ARHGAP6: variants seen among roughly 807,000 people sequenced by gnomAD.
ARHGAP6 encodes rho GTPase-activating protein 6.
A neutral mutation model predicts 55.7 loss-of-function variants in ARHGAP6; 16 were observed. That is an observed-to-expected ratio of 0.29 (90% CI 0.19 to 0.44). ARHGAP6 has a LOEUF of 0.44. Ranked by LOEUF, ARHGAP6 falls within the 20% of genes least tolerant of loss-of-function variation. The probability of loss-of-function intolerance (pLI) is 1.00; values close to 1 mark genes in which losing one functional copy is unlikely to be tolerated. For synonymous variants in ARHGAP6, 382 were observed against 360.9 expected, an observed-to-expected ratio of 1.06 and a Z score of -0.66; for missense variants, 698 against 808.9, an observed-to-expected ratio of 0.86 and a Z score of 1.66.
At position 11,159,788 on chromosome X, in the gene ARHGAP6, G is replaced by T. The variant is rs780925779; in HGVS notation, c.1810-3162C>A. Reference sequence around the variant, plus strand: ...GGTATTTAAAACCCTGTGACCAGCTGCAGTGGCCTGGGTATGAAAATGGGG... The same window carrying T: ...GGTATTTAAAACCCTGTGACCAGCTTCAGTGGCCTGGGTATGAAAATGGGG... On this transcript the variant is annotated intron_variant, in intron 9 of 12. Transcript: ENST00000337414. Among the ~76,000 whole-genome samples, 6 of 111,365 alleles carry T rather than the reference G, an allele frequency of 5.4e-5. No individual in the cohort carries two copies. The East Asian group carries it at 1.7e-3, about 32-fold the overall frequency.
At chrX:11,421,478 G>A (rs1345042482) in intron 1 of ARHGAP6, among the ~76,000 whole-genome samples, 3 of 111,558 alleles carry the variant, frequency 2.7e-5, no homozygotes, top group African/African-American at 9.8e-5. Context: ...ACCACTGGTC[G>A]ATTTTACCTA....
intron 1 of ARHGAP6, among the ~76,000 whole-genome samples, chrX:11,345,218 G>A (rs2048764637): frequency 9.0e-6 from 1 of 111,472 alleles, no homozygotes; most frequent in Admixed American, 9.5e-5. Context: ...CTATGCACCA[G>A]TGATGCTCTG....
intron 1 of ARHGAP6, among the ~76,000 whole-genome samples, chrX:11,309,269 C>T (rs1239517606): frequency 9.0e-6 from 1 of 111,665 alleles, no homozygotes; most frequent in Non-Finnish European, 1.9e-5. Context: ...TACACCTCAG[C>T]AATAGCAGCA....
At chrX:11,289,649 T>G (rs1407710398) in intron 1 of ARHGAP6, among the ~76,000 whole-genome samples, 1 of 111,946 alleles carries the variant, frequency 8.9e-6, no homozygotes, top group Non-Finnish European at 1.9e-5. Flanking sequence ...TGTGCCATAA[T>G]CGATTTGAAC....
chrX:11,187,334 C>T (rs1028790675), intron 4 of ARHGAP6, among the ~76,000 whole-genome samples: 6 of 110,914 alleles, frequency 5.4e-5, no homozygotes, highest in Non-Finnish European at 1.1e-4. Context: ...TCGCATTTGC[C>T]GCACCCATAC....
chrX:11,542,897 A>T (rs1316169705), intron 1 of ARHGAP6, among the ~76,000 whole-genome samples: 1 of 111,588 alleles, frequency 9.0e-6, no homozygotes, highest in Non-Finnish European at 1.9e-5. Flanking sequence ...GCTTGACAAA[A>T]TAGGCCAGGA....
At chrX:11,417,522 A>G (rs2049768700) in intron 1 of ARHGAP6, among the ~76,000 whole-genome samples, 1 of 111,059 alleles carries the variant, frequency 9.0e-6, no homozygotes, top group Admixed American at 9.6e-5. Flanking sequence ...GAGAATCTGT[A>G]GTCTAGTTAA....
chrX:11,396,515 T>C (rs2049479460), intron 1 of ARHGAP6, among the ~76,000 whole-genome samples: 1 of 111,889 alleles, frequency 8.9e-6, no homozygotes. Context: ...TTGATCAACA[T>C]ATTTTTTCCA....
chrX:11,484,039 T>A (rs1303533875), intron 1 of ARHGAP6, among the ~76,000 whole-genome samples: 1 of 112,048 alleles, frequency 8.9e-6, no homozygotes, highest in Non-Finnish European at 1.9e-5. Context: ...AAATAACATT[T>A]CAAATTGTAA....
intron 1 of ARHGAP6, among the ~76,000 whole-genome samples, chrX:11,548,429 C>T (rs1029599522): frequency 2.7e-5 from 3 of 110,888 alleles, no homozygotes; most frequent in Admixed American, 9.6e-5. Context: ...ACCTTCTCTA[C>T]CTCTAATACC....
chrX:11,325,019 C>T (rs932912809), intron 1 of ARHGAP6, among the ~76,000 whole-genome samples: 9 of 110,800 alleles, frequency 8.1e-5, no homozygotes, highest in African/African-American at 1.3e-4. Flanking sequence ...CCACCGCGCC[C>T]GGCTAATTTT....
chrX:11,317,141 A>G (rs2048368671), intron 1 of ARHGAP6, among the ~76,000 whole-genome samples: 1 of 112,331 alleles, frequency 8.9e-6, no homozygotes, highest in Non-Finnish European at 1.9e-5. Context: ...ATGTGGCTGG[A>G]AGCCTTTGGA....
chrX:11,163,255 A>G (rs2147297190), intron 9 of ARHGAP6, among the ~76,000 whole-genome samples: 1 of 112,521 alleles, frequency 8.9e-6, no homozygotes, highest in African/African-American at 3.2e-5. Flanking sequence ...CACTGCACAT[A>G]TGAAAGAATA....
chrX:11,481,109 C>T (rs1603227153), intron 1 of ARHGAP6, among the ~76,000 whole-genome samples: 1 of 111,041 alleles, frequency 9.0e-6, no homozygotes, highest in South Asian at 3.8e-4. Context: ...TAGGATCTCC[C>T]CTGGAGTGCT....
intron 1 of ARHGAP6, among the ~76,000 whole-genome samples, chrX:11,317,430 A>G (rs910026903): frequency 8.9e-6 from 1 of 111,779 alleles, no homozygotes; most frequent in Admixed American, 9.5e-5. Flanking sequence ...CGTCATATTT[A>G]TCCCCAAACT....
chrX:11,141,252 A>G (rs1340500020), intron 12 of ARHGAP6, among the ~76,000 whole-genome samples: 1 of 112,274 alleles, frequency 8.9e-6, no homozygotes, highest in Non-Finnish European at 1.9e-5. Context: ...GGTTGAAACA[A>G]TGAAATGACA....
At chrX:11,443,661 G>A (rs1281614883) in intron 1 of ARHGAP6, among the ~76,000 whole-genome samples, 1 of 112,564 alleles carries the variant, frequency 8.9e-6, no homozygotes, top group African/African-American at 3.2e-5. Context: ...AGGTGCGGTG[G>A]CTCACGCCTG....
At chrX:11,383,777 T>C (rs1278606147) in intron 1 of ARHGAP6, among the ~76,000 whole-genome samples, 3 of 111,481 alleles carry the variant, frequency 2.7e-5, no homozygotes, top group African/African-American at 3.3e-5. Flanking sequence ...TATGAAGAAA[T>C]AAGCTAAGGA....
intron 2 of ARHGAP6, among the ~76,000 whole-genome samples, chrX:11,218,075 C>A (rs1354685183): frequency 8.9e-6 from 1 of 111,855 alleles, no homozygotes; most frequent in Non-Finnish European, 1.9e-5. Context: ...GTCTATATAT[C>A]TGTTTTGGTA....
Sources: allele counts gnomAD v4.1 joint callset (sites outside exome capture counted in the v4.1 genomes callset), GRCh38; gene constraint gnomAD v4.1.1; transcripts MANE v1.5; gene names NCBI Gene and HGNC (gene_info 2026-07-23, HGNC 2026-07-21).